The following LRRTM4 variants were observed in gnomAD, a reference collection of about 807,000 sequenced individuals.
LRRTM4 encodes the protein leucine rich repeat transmembrane neuronal 4.
A neutral mutation model predicts 47.6 loss-of-function variants in LRRTM4; 25 were observed. The ratio of observed to expected loss-of-function variants is 0.53; its 90% CI spans 0.38 to 0.73. The LOEUF is 0.73. Among genes scored for constraint, LRRTM4 ranks in the 30% least tolerant of loss-of-function variants. The pLI is 0.00. For missense variants in LRRTM4, 638 were observed against 713.4 expected (o/e 0.89, Z 1.20); for synonymous variants, 311 against 269.5 (o/e 1.15, Z -1.51).
intron 3 of LRRTM4, among the ~76,000 whole-genome samples, chr2:76,873,447 G>GTATA (rs565358381): frequency 2.1e-5 from 3 of 143,486 alleles, no homozygotes; most frequent in African/African-American, 7.9e-5. Flanking sequence ...TAGTCTGTGT[G>GTATA]TATATATATA....
At chr2:77,008,854 T>C (rs1432830906) in intron 3 of LRRTM4, among the ~76,000 whole-genome samples, 3 of 151,996 alleles carry the variant, frequency 2.0e-5, no homozygotes, top group Non-Finnish European at 2.9e-5. Context: ...GGATTCACTG[T>C]TTCTGACTGG....
chr2:76,932,655 T>C (rs1169590127), intron 3 of LRRTM4, among the ~76,000 whole-genome samples: 1 of 152,090 alleles, frequency 6.6e-6, no homozygotes, highest in African/African-American at 2.4e-5. Flanking sequence ...CTAAAATATT[T>C]TCTAAATATT....
Position 77,006,223 on chromosome 2 carries a change from C to A in LRRTM4, c.1552-257307G>T, listed in dbSNP as rs1677640068. On this transcript the variant is annotated intron_variant, in intron 3 of 3. Coordinates refer to ENST00000409884, the MANE Select transcript of LRRTM4 (RefSeq NM_001134745.3). ...AAATATGGCTTAGAATAAAATGGAC[C>A]TTAGAATGGGCTAGGATCCATTCTT... 1.3e-5 allele frequency among the ~76,000 whole-genome samples: 2 copies of A among 152,010 alleles called. 1 individual carries two copies. The highest frequency in any genetic ancestry group is 2.9e-5 in the Non-Finnish European group (2 of 68,000).
chr2:77,108,835 G>T (rs577378897), intron 3 of LRRTM4, among the ~76,000 whole-genome samples: 3 of 151,826 alleles, frequency 2.0e-5, no homozygotes, highest in Non-Finnish European at 4.4e-5. Context: ...CGCCCGCCTC[G>T]GCCTCCCAAA....
chr2:77,195,705 GAGTGGT>G (rs1445535619), intron 3 of LRRTM4, among the ~76,000 whole-genome samples: 1 of 152,070 alleles, frequency 6.6e-6, no homozygotes, highest in East Asian at 1.9e-4. Context: ...TAATAATGTA[GAGTGGT>G]AATACAAAAA....
intron 3 of LRRTM4, among the ~76,000 whole-genome samples, chr2:77,029,053 AT>A (rs71392905): frequency 0.15 from 20,169 of 137,058 alleles, 1,586 homozygotes; most frequent in Admixed American, 0.22. Context: ...ACACACACAA[AT>A]ATATATATAT....
chr2:77,016,656 G>A (rs1314916125), intron 3 of LRRTM4, among the ~76,000 whole-genome samples: 1 of 152,088 alleles, frequency 6.6e-6, no homozygotes, highest in Non-Finnish European at 1.5e-5. Flanking sequence ...TTTTGCCCCT[G>A]AAAATGCAAA....
intron 3 of LRRTM4, among the ~76,000 whole-genome samples, chr2:77,024,497 A>G (rs1326235021): frequency 6.8e-6 from 1 of 146,530 alleles, no homozygotes; most frequent in Non-Finnish European, 1.5e-5. Context: ...TCTAGAATTA[A>G]AAAAAAAAAA....
chr2:77,400,275 T>G (rs977645905), intron 3 of LRRTM4, among the ~76,000 whole-genome samples: 1 of 151,856 alleles, frequency 6.6e-6, no homozygotes, highest in African/African-American at 2.4e-5. Flanking sequence ...CTCTATTGCC[T>G]ACAGCTGAGT....
At chr2:77,127,413 G>T (rs897242861) in intron 3 of LRRTM4, among the ~76,000 whole-genome samples, 8 of 152,122 alleles carry the variant, frequency 5.3e-5, no homozygotes, top group Non-Finnish European at 1.0e-4. Context: ...ACTAGTAAAT[G>T]ATCTGATAGC....
At chr2:77,103,990 T>A (rs1671028742) in intron 3 of LRRTM4, among the ~76,000 whole-genome samples, 1 of 152,158 alleles carries the variant, frequency 6.6e-6, no homozygotes, top group African/African-American at 2.4e-5. Flanking sequence ...TTCAACTGAC[T>A]ATTTGGTCAT....
intron 3 of LRRTM4, among the ~76,000 whole-genome samples, chr2:77,309,728 T>C (rs200677983): frequency 7.3e-6 from 1 of 136,104 alleles, no homozygotes; most frequent in East Asian, 2.2e-4. Flanking sequence ...GATAGATAGA[T>C]AGATATAACA....
At chr2:77,133,972 A>G (rs1671867755) in intron 3 of LRRTM4, among the ~76,000 whole-genome samples, 1 of 152,210 alleles carries the variant, frequency 6.6e-6, no homozygotes, top group African/African-American at 2.4e-5. Context: ...GTCAAATCCA[A>G]AAATTAATGT....
intron 3 of LRRTM4, among the ~76,000 whole-genome samples, chr2:77,390,720 A>G (rs1466612235): frequency 1.3e-5 from 2 of 151,604 alleles, no homozygotes; most frequent in African/African-American, 4.8e-5. Flanking sequence ...TAAAATTGAG[A>G]GGCCAAAACA....
intron 3 of LRRTM4, among the ~76,000 whole-genome samples, chr2:76,755,589 A>G (rs563509852): frequency 3.3e-5 from 5 of 152,266 alleles, no homozygotes; most frequent in Admixed American, 3.3e-4. Context: ...AAACTGGAGA[A>G]AAATTATTTG....
At position 77,474,537 on chromosome 2, in the gene LRRTM4, G is replaced by C. The variant is rs369214450; in HGVS notation, c.1551+43781C>G. ...AATAGAATCAATATAATAGATTAAAGACCAAAACTTGTATAAATTAAATTA... is the reference window on the plus strand; with the variant it reads ...AATAGAATCAATATAATAGATTAAACACCAAAACTTGTATAAATTAAATTA... On this transcript the variant is annotated intron_variant, in intron 3 of 3. Transcript: ENST00000409884. Among the ~76,000 whole-genome samples, 8 of 152,124 alleles carry C rather than the reference G, an allele frequency of 5.3e-5. No individual in the cohort carries two copies. The East Asian group carries it at 9.6e-4, about 18-fold the overall frequency.
intron 3 of LRRTM4, among the ~76,000 whole-genome samples, chr2:77,510,347 A>T (rs1678935499): frequency 6.6e-6 from 1 of 152,096 alleles, no homozygotes; most frequent in Non-Finnish European, 1.5e-5. Flanking sequence ...TTCAGGAAGG[A>T]GGGAAGAATT....
At chr2:77,438,745 T>C (rs1176705373) in intron 3 of LRRTM4, among the ~76,000 whole-genome samples, 15 of 152,158 alleles carry the variant, frequency 9.9e-5, no homozygotes, top group Non-Finnish European at 1.3e-4. Context: ...AAAAATTCTT[T>C]TCAGAAAATA....
At chr2:76,882,359 A>G (rs1199332905) in intron 3 of LRRTM4, among the ~76,000 whole-genome samples, 1 of 151,966 alleles carries the variant, frequency 6.6e-6, no homozygotes, top group African/African-American at 2.4e-5. Flanking sequence ...AGAAAATGAG[A>G]GCACATTCTT....
Sources: allele counts gnomAD v4.1 joint callset (sites outside exome capture counted in the v4.1 genomes callset), GRCh38; gene constraint gnomAD v4.1.1; transcripts MANE v1.5; gene names NCBI Gene and HGNC (gene_info 2026-07-23, HGNC 2026-07-21).